Variants in PRPF18 observed in about 807,000 individuals in gnomAD.
PRPF18 encodes the protein pre-mRNA-splicing factor 18.
PRPF18 carries 38 observed loss-of-function variants against 46.5 expected under a neutral mutation model. That is an observed-to-expected ratio of 0.82 (90% CI 0.63 to 1.07). The LOEUF is 1.07. Ranked by LOEUF, PRPF18 falls within the 50% of genes least tolerant of loss-of-function variation. PRPF18 has a pLI of 0.00. For missense variants in PRPF18, 263 were observed against 410.0 expected (o/e 0.64, Z 3.10); for synonymous variants, 152 against 146.7 (o/e 1.04, Z -0.26).
intron 1 of PRPF18, chr10:13,592,275 T>C (rs2079975304): frequency 1.7e-5 from 8 of 482,148 alleles, no homozygotes; most frequent in South Asian, 1.3e-4. Context: ...TTCTTGGCTT[T>C]GGGTTTCTTC....
At chr10:13,617,883 T>C (rs1327201590) in intron 9 of PRPF18, among the ~76,000 whole-genome samples, 1 of 152,164 alleles carries the variant, frequency 6.6e-6, no homozygotes, top group Admixed American at 6.5e-5. Context: ...TTAGAGAAAA[T>C]TGATGAGCAT....
the PRPF18 span, chr10:13,655,191 A>G: frequency 6.6e-6 from 1 of 152,210 alleles, no homozygotes; most frequent in South Asian, 2.1e-4. Context: ...TTTTTTGGTA[A>G]AGGAATCCTT....
the PRPF18 span, among the ~76,000 whole-genome samples, chr10:13,636,803 G>A: frequency 1.1e-4 from 16 of 152,250 alleles, no homozygotes; most frequent in African/African-American, 2.2e-4. Context: ...AAATATCGGC[G>A]TGTAATTCAC....
intron 1 of PRPF18, among the ~76,000 whole-genome samples, chr10:13,597,088 G>C (rs1445367057): frequency 2.0e-4 from 30 of 152,104 alleles, no homozygotes; most frequent in Non-Finnish European, 7.4e-5. Flanking sequence ...AAAAATAATT[G>C]AGGTATACCA....
intron 1 of PRPF18, among the ~76,000 whole-genome samples, chr10:13,595,754 A>C (rs2080026725): frequency 6.6e-6 from 1 of 152,170 alleles, no homozygotes; most frequent in South Asian, 2.1e-4. Context: ...TATTTCCGTA[A>C]AACTGTGCTT....
At chr10:13,649,568 A>G in the PRPF18 span, 7 of 138,692 alleles carry the variant, frequency 5.0e-5, no homozygotes, top group Non-Finnish European at 9.5e-5. Context: ...AAAGATGTAA[A>G]GATGTATTTT....
At chr10:13,619,137 G>A (rs1215861848) in intron 9 of PRPF18, among the ~76,000 whole-genome samples, 1 of 152,226 alleles carries the variant, frequency 6.6e-6, no homozygotes, top group Non-Finnish European at 1.5e-5. Context: ...GAGCTTAGGT[G>A]CTAATTCTCT....
At chr10:13,599,622 C>T (rs1255661716) in intron 2 of PRPF18, among the ~76,000 whole-genome samples, 1 of 152,106 alleles carries the variant, frequency 6.6e-6, no homozygotes, top group Admixed American at 6.5e-5. Context: ...CCACTGTTTT[C>T]CTGGGTGGCG....
the PRPF18 span, chr10:13,643,825 T>A: frequency 1.3e-5 from 2 of 152,708 alleles, no homozygotes; most frequent in Non-Finnish European, 2.9e-5. Flanking sequence ...TTTTTTTAAT[T>A]CTGCAACTTT....
intron 9 of PRPF18, among the ~76,000 whole-genome samples, chr10:13,618,737 G>A (rs972891893): frequency 9.9e-5 from 15 of 151,372 alleles, no homozygotes; most frequent in African/African-American, 3.6e-4. Context: ...CAAGAACATA[G>A]TTCAGTATTG....
chr10:13,636,153 G>A, the PRPF18 span, among the ~76,000 whole-genome samples: 1 of 152,250 alleles, frequency 6.6e-6, no homozygotes, highest in Non-Finnish European at 1.5e-5. Context: ...TGGGTGTGGT[G>A]GCTCACGCCT....
At chr10:13,614,561 G>A (rs180852578) in intron 8 of PRPF18, among the ~76,000 whole-genome samples, 1 of 152,158 alleles carries the variant, frequency 6.6e-6, no homozygotes, top group Non-Finnish European at 1.5e-5. Context: ...GTTTCTATGG[G>A]GAAATGGTTC....
At chr10:13,609,294 A>C (rs2080237981) in intron 4 of PRPF18, among the ~76,000 whole-genome samples, 1 of 152,242 alleles carries the variant, frequency 6.6e-6, no homozygotes, top group South Asian at 2.1e-4. Flanking sequence ...CCTACGTAGT[A>C]GATGGTGCCA....
chr10:13,592,772 A>G (rs1328935019), intron 1 of PRPF18, among the ~76,000 whole-genome samples: 2 of 152,222 alleles, frequency 1.3e-5, no homozygotes, highest in African/African-American at 4.8e-5. Context: ...TAGTTTTACT[A>G]GTTGTAGTTA....
chr10:13,609,956 A>G (rs2080247791), intron 4 of PRPF18, 83 bp from the exon 5 acceptor site: 1 of 1,383,892 alleles, frequency 7.2e-7, no homozygotes, highest in Middle Eastern at 1.9e-4. Context: ...AAATATTTGC[A>G]GTTATTAATG....
intron 1 of PRPF18, chr10:13,591,562 C>A: frequency 1.4e-6 from 1 of 714,218 alleles, no homozygotes. Context: ...AAATTTGTGA[C>A]TCCACAGCTT....
At chr10:13,626,343 C>T (rs2080504529) in intron 9 of PRPF18, among the ~76,000 whole-genome samples, 1 of 151,950 alleles carries the variant, frequency 6.6e-6, no homozygotes, top group African/African-American at 2.4e-5. Context: ...GATGTTTGGG[C>T]ATGTGAGGGT....
intron 4 of PRPF18, among the ~76,000 whole-genome samples, 155 bp downstream of exon 4, chr10:13,605,899 A>G (rs535344150): frequency 2.0e-5 from 3 of 152,352 alleles, no homozygotes; most frequent in Admixed American, 6.5e-5. Context: ...TGAAAAGCTC[A>G]TATCTTAAGT....
At chr10:13,591,137 T>C (rs1373132236) in intron 1 of PRPF18, among the ~76,000 whole-genome samples, 2 of 152,218 alleles carry the variant, frequency 1.3e-5, no homozygotes, top group African/African-American at 4.8e-5. Context: ...TGAGTGCTCT[T>C]GCATGATGTA....
Sources: allele counts gnomAD v4.1 joint callset (sites outside exome capture counted in the v4.1 genomes callset), GRCh38; gene constraint gnomAD v4.1.1; transcripts MANE v1.5; gene names NCBI Gene and HGNC (gene_info 2026-07-23, HGNC 2026-07-21).